Variants in CLSTN3 observed in about 807,000 individuals in gnomAD.
The protein encoded by CLSTN3 is calsyntenin 3, also known as calsyntenin-3.
Under a neutral mutation model 95.9 loss-of-function variants are expected in CLSTN3, and 36 were observed. The observed-to-expected ratio is 0.38, with a 90% CI of 0.29 to 0.50. The LOEUF is 0.50. Among genes scored for constraint, CLSTN3 ranks in the 20% least tolerant of loss-of-function variants. The probability of loss-of-function intolerance (pLI) is 0.95; values close to 1 mark genes in which losing one functional copy is unlikely to be tolerated. For synonymous variants in CLSTN3, 481 were observed against 504.0 expected, an observed-to-expected ratio of 0.95 and a Z score of 0.61; for missense variants, 1,084 against 1,268.8, an observed-to-expected ratio of 0.85 and a Z score of 2.21.
Position 7,147,396 on chromosome 12 carries a change from C to CAAAAAAA in CLSTN3, c.1848-1553_1848-1547dup, listed in dbSNP as rs56109046. Among the ~76,000 whole-genome samples, 65 of 50,564 alleles carry CAAAAAAA rather than the reference C, an allele frequency of 1.3e-3. 5 individuals carry two copies. The highest frequency in any genetic ancestry group is 4.6e-3 in the African/African-American group (51 of 11,102). 33.2% of individuals were successfully genotyped at this position (50,564 alleles called of 152,430 possible). A position where few individuals can be genotyped will look rare whatever the true frequency, so the allele number is the denominator to read the frequency against. The stretch of plus-strand genomic sequence containing the variant: ...CCTGGGCAACAGAGAGAGACTCTGC[C>CAAAAAAA]AAAAAAAAAAAAAAAAAAAAAAAAA... On this transcript the variant is annotated intron_variant, in intron 12 of 17. Transcript: ENST00000266546.
rs1043542228 is a variant in CLSTN3, at chr12:7,158,060, G to A, written c.2850G>A (p.Glu950=). ...SPSSDERRII[E]TPPHRY ...GCAGCGACGAGAGACGCATCATCGA[G>A]ACCCCCCCACACCGCTACTAAGGCC... The change falls in exon 18 of 18, where the codon GAG becomes GAA. Residue 950 remains glutamate (E), a synonymous_variant. Coordinates refer to ENST00000266546, the MANE Select transcript of CLSTN3 (RefSeq NM_014718.4). The A allele has an allele frequency of 6.5e-7, 1 of 1,541,732 alleles. No homozygotes were observed. The highest frequency in any genetic ancestry group is 1.2e-5 in the South Asian group (1 of 82,424).
At chr12:7,132,773 C>T in intron 1 of CLSTN3, 1 of 603,002 alleles carries the variant, frequency 1.7e-6, no homozygotes, top group Non-Finnish European at 3.0e-6. Flanking sequence ...CCTCTTCACC[C>T]CCAGGGCAGG....
chr12:7,138,161 TC>T (rs781112610), intron 8 of CLSTN3, 94 bp downstream of exon 8: 30 of 866,504 alleles, frequency 3.5e-5, no homozygotes, highest in South Asian at 6.3e-5. Context: ...TTTTCTGGGT[TC>T]CCCCTTGCCC....
upstream of CLSTN3, chr12:7,130,180 C>T (rs1939254230): frequency 4.7e-6 from 1 of 214,344 alleles, no homozygotes; most frequent in Non-Finnish European, 9.4e-6. Flanking sequence ...GGCTCTCCAG[C>T]TTCCTCCCCA....
At chr12:7,147,256 G>A (rs895214815) in intron 12 of CLSTN3, among the ~76,000 whole-genome samples, 30 of 151,628 alleles carry the variant, frequency 2.0e-4, no homozygotes, top group African/African-American at 6.0e-4. Context: ...GGACTTGGGC[G>A]GTGTGTGGTG....
rs1248263511 is a variant in CLSTN3, at chr12:7,137,007, C to T, written c.1107C>T (p.Ser369=). ...GGCTGGGCTCTGGGCCCCAGGACAG[C>T]CTCAGTGACCACTTCACCCTGTCCT... ...PSGLGSGPQD[S]LSDHFTLSFW... The change falls in exon 7 of 18, where the codon AGC becomes AGT. Residue 369 remains serine, a synonymous_variant. Coordinates refer to ENST00000266546, the MANE Select transcript of CLSTN3 (RefSeq NM_014718.4). The surrounding 1 kb of genome is among the most constrained non-coding windows in gnomAD (Gnocchi z 4.4). 1.2e-6 allele frequency: 2 copies of T among 1,614,230 alleles called. No homozygotes were observed. The highest frequency in any genetic ancestry group is 2.2e-5 in the East Asian group (1 of 44,874).
intron 12 of CLSTN3, among the ~76,000 whole-genome samples, chr12:7,143,808 GT>G (rs2135806166): frequency 6.6e-6 from 1 of 152,214 alleles, no homozygotes. Flanking sequence ...CTGTTTTGTA[GT>G]TTTATTGGAA....
At chr12:7,152,567 T>C (rs761776406) in intron 16 of CLSTN3, among the ~76,000 whole-genome samples, 27 of 152,342 alleles carry the variant, frequency 1.8e-4, no homozygotes, top group African/African-American at 6.5e-4. Flanking sequence ...AGGAGTCCAC[T>C]AGTGCTTTCT....
At chr12:7,134,740 T>A (rs1939371252) in intron 3 of CLSTN3, among the ~76,000 whole-genome samples, 1 of 152,228 alleles carries the variant, frequency 6.6e-6, no homozygotes, top group Non-Finnish European at 1.5e-5. Context: ...CGGATCTGAC[T>A]GTTGTGAAGG....
chr12:7,137,850 A>T lies in CLSTN3; in HGVS notation c.1211-105A>T. ...AAGAAAAATGCTAGAGAACGAGGGA[A>T]TGAGAGAGGATTAAGAGAATCCAAC... On this transcript the variant is annotated intron_variant, in intron 7 of 17. Transcript: ENST00000266546. This position sits in a 1 kb window ranked among gnomAD's most constrained non-coding sequence, Gnocchi z 4.4. The T allele has an allele frequency of 1.8e-6, 1 of 561,408 alleles. No homozygotes were observed. Among genetic ancestry groups the T allele is most frequent in the Non-Finnish European group, 3.0e-6 (1 of 335,616 alleles). The allele number at this position is 561,408 out of a possible 1,614,324, so 34.8% of individuals were successfully genotyped here.
upstream of CLSTN3, chr12:7,129,703 T>A: frequency 1.0e-6 from 1 of 985,446 alleles, no homozygotes; most frequent in South Asian, 4.7e-5. The surrounding 1 kb of genome is among the most constrained non-coding windows in gnomAD (Gnocchi z 5.5). Flanking sequence ...TGCCCAATTC[T>A]CTCTCGAACC....
chr12:7,145,849 C>G (rs747766220), intron 12 of CLSTN3, among the ~76,000 whole-genome samples: 1 of 152,294 alleles, frequency 6.6e-6, no homozygotes, highest in Non-Finnish European at 1.5e-5. Context: ...TCTGAGTCAT[C>G]TTTGATTCTT....
chr12:7,148,854 C>T (rs1316514047), intron 12 of CLSTN3, 118 bp from the exon 13 acceptor site: 8 of 845,848 alleles, frequency 9.5e-6, no homozygotes, highest in Non-Finnish European at 1.5e-5. Context: ...TCCCCTGCCC[C>T]TTCCTGACAT....
In CLSTN3 at chr12:7,130,408, T is replaced by G. The variant is rs1591611619; in HGVS notation, c.-241T>G. ...CGGGGTTGGGGTGGGAGTGAGAGAG[T>G]GAGGACGCTGGGCTGGGGGAAACGG... On this transcript the variant is annotated 5_prime_UTR_variant, in exon 1 of 18. Transcript: ENST00000266546. 2 of 1,395,578 alleles carry G rather than the reference T, an allele frequency of 1.4e-6. No homozygotes were observed. The highest frequency in any genetic ancestry group is 5.7e-5 in the East Asian group (2 of 35,324). 86.4% of individuals were successfully genotyped at this position (1,395,578 alleles called of 1,614,324 possible).
At chr12:7,130,303 T>TTCCCCCC, upstream of CLSTN3, 1 of 778,326 alleles carries the variant, frequency 1.3e-6, no homozygotes, top group South Asian at 2.6e-5. Flanking sequence ...CAGCACCTGG[T>TTCCCCCC]CCCCCCCCCT....
rs35489298 is a variant in CLSTN3, at chr12:7,137,756, ATGTGTGTGTGTG to A, written c.1211-170_1211-159del. Among the ~76,000 whole-genome samples the A allele has an allele frequency of 8.5e-4, 65 of 76,166 alleles. No individual in the cohort carries two copies. Among genetic ancestry groups the A allele is most frequent in the African/African-American group, 3.5e-3 (58 of 16,808 alleles). 50.0% of individuals were successfully genotyped at this position (76,166 alleles called of 152,430 possible). ...AGCCCAAGTTATCACTTGGACTGGA[ATGTGTGTGTGTG>A]TGTGTGTGTGTGTGTGTGTGTGTGT... is the stretch of plus-strand genomic sequence containing the variant. On this transcript the variant is annotated intron_variant, in intron 7 of 17. Transcript: ENST00000266546. This position sits in a 1 kb window ranked among gnomAD's most constrained non-coding sequence, Gnocchi z 4.4.
rs1939682030 is a variant in CLSTN3 at position 7,149,374 on chromosome 12, T to G, written c.2075-149T>G. 6.8e-6 allele frequency: 6 copies of G among 888,202 alleles called. No homozygotes were observed. The highest frequency in any genetic ancestry group is 8.7e-6 in the Non-Finnish European group (5 of 575,796). The allele number at this position is 888,202 out of a possible 1,614,324, so 55.0% of individuals were successfully genotyped here. On this transcript the variant is annotated intron_variant, in intron 13 of 17. Coordinates refer to ENST00000266546, the MANE Select transcript of CLSTN3 (RefSeq NM_014718.4). This position sits in a 1 kb window ranked among gnomAD's most constrained non-coding sequence, Gnocchi z 4.5. ...GGAAAACACGTGGGTGGAAATGAAT[T>G]GTTGCATAATGATATTCTTGAAAAT...
chr12:7,154,128 T>C (rs1939777723), intron 16 of CLSTN3, among the ~76,000 whole-genome samples: 1 of 152,252 alleles, frequency 6.6e-6, no homozygotes, highest in Non-Finnish European at 1.5e-5. Context: ...TTGGCATGCC[T>C]GAGCTGACAG....
At position 7,141,023 on chromosome 12, in the gene CLSTN3, A is replaced by C. The variant is rs778767997; in HGVS notation, c.1324-219A>C. 1.1e-4 allele frequency among the ~76,000 whole-genome samples: 16 copies of C among 152,218 alleles called. No homozygotes were observed. The highest frequency in any genetic ancestry group is 2.2e-4 in the Non-Finnish European group (15 of 68,032). Reference sequence around the variant, plus strand: ...ATTTATAGCTTTAACGATTTACCTGAAGAGTGGAATCTTTGCTACTAGGTT... The same window carrying C: ...ATTTATAGCTTTAACGATTTACCTGCAGAGTGGAATCTTTGCTACTAGGTT... On this transcript the variant is annotated intron_variant, in intron 8 of 17. Coordinates refer to ENST00000266546, the MANE Select transcript of CLSTN3 (RefSeq NM_014718.4). This position sits in a 1 kb window ranked among gnomAD's most constrained non-coding sequence, Gnocchi z 4.1.
Sources: gnomAD v4.1 joint callset for allele counts (sites outside exome capture counted in the v4.1 genomes callset) on GRCh38, gnomAD v4.1.1 for gene constraint, Gnocchi (gnomAD v3.1) non-coding constraint, MANE v1.5 for transcripts, NCBI Gene and HGNC (gene_info 2026-07-23, HGNC 2026-07-21) for gene names.